SYNE2: variants seen among roughly 807,000 people sequenced by gnomAD.
The protein encoded by SYNE2 is spectrin repeat containing nuclear envelope protein 2.
SYNE2 carries 431 observed loss-of-function variants against 856.3 expected under a neutral mutation model. The ratio of observed to expected loss-of-function variants is 0.50; its 90% CI spans 0.47 to 0.55. The LOEUF (loss-of-function observed/expected upper bound fraction) is 0.55, where lower values mean the gene tolerates loss of function less well. Ranked by LOEUF, SYNE2 falls within the 20% of genes least tolerant of loss-of-function variation. The pLI is 0.00. For synonymous variants in SYNE2, 2,923 were observed against 2,872.3 expected, an observed-to-expected ratio of 1.02 and a Z score of -0.56; for missense variants, 8,129 against 8,023.2, an observed-to-expected ratio of 1.01 and a Z score of -0.50.
rs1489040189 is a variant in SYNE2, at chr14:64,208,754, A to G, written c.18202-4A>G. The G allele has an allele frequency of 6.2e-7, 1 of 1,614,076 alleles. No homozygotes were observed. The highest frequency in any genetic ancestry group is 8.5e-7 in the Non-Finnish European group (1 of 1,180,040). On this transcript the variant is annotated splice_region_variant and splice_polypyrimidine_tract_variant and intron_variant, in intron 100 of 115. Coordinates refer to ENST00000555002, the MANE Select transcript of SYNE2 (RefSeq NM_182914.3). ...AGAGGTTTCTTACTCTGTTGTAATC[A>G]CAGGATCTACAGCGAGATATTGAAC...
At chr14:63,855,635 T>C (rs1216368997) in intron 1 of SYNE2, among the ~76,000 whole-genome samples, 1 of 152,198 alleles carries the variant, frequency 6.6e-6, no homozygotes, top group Admixed American at 6.5e-5. Context: ...TTCACTAACC[T>C]CCAAATTTAA....
intron 30 of SYNE2, among the ~76,000 whole-genome samples, chr14:64,005,414 T>C (rs938787962): frequency 2.0e-5 from 3 of 152,176 alleles, no homozygotes; most frequent in Non-Finnish European, 2.9e-5. Flanking sequence ...AGATGATTTA[T>C]TGACACATGG....
chr14:63,973,241 G>A (rs1397386815), intron 11 of SYNE2, among the ~76,000 whole-genome samples: 1 of 152,052 alleles, frequency 6.6e-6, no homozygotes, highest in African/African-American at 2.4e-5. Context: ...GTGAGACTCC[G>A]TCTCAAAACA....
intron 70 of SYNE2, 63 bp from the exon 71 acceptor site, chr14:64,125,016 T>C (rs2097928519): frequency 1.4e-5 from 22 of 1,598,276 alleles, no homozygotes; most frequent in Non-Finnish European, 1.8e-5. Flanking sequence ...AATAAAAAAA[T>C]AAATTAATTA....
In SYNE2 at chr14:63,885,125, A is replaced by C. The variant is rs183150629; in HGVS notation, c.-51-23973A>C. Among the ~76,000 whole-genome samples the C allele has an allele frequency of 2.0e-5, 3 of 152,200 alleles. No individual in the cohort carries two copies. In the East Asian group the frequency reaches 5.8e-4, roughly 29 times the overall value. On this transcript the variant is annotated intron_variant, in intron 1 of 115. Transcript: ENST00000555002. The stretch of plus-strand genomic sequence containing the variant: ...CACCTTACTCAAAGGATGGAGATGG[A>C]GGGTCCCACATCCAGGGACTAATGA...
chr14:63,913,837 T>TTTTTTAAATTTAATATAATTTTAAA (rs2095503396), intron 2 of SYNE2, among the ~76,000 whole-genome samples: 4 of 145,722 alleles, frequency 2.7e-5, no homozygotes, highest in Admixed American at 2.7e-4. Context: ...CTGTTTAAAA[T>TTTTTTAAATTTAATATAATTTTAAA]TTTTTAAATT....
chr14:63,935,122 GT>G (rs1172459168), intron 2 of SYNE2, among the ~76,000 whole-genome samples: 2 of 151,976 alleles, frequency 1.3e-5, no homozygotes, highest in Non-Finnish European at 2.9e-5. Context: ...AGGAGATTTA[GT>G]ATAGTTTTGA....
intron 76 of SYNE2, among the ~76,000 whole-genome samples, chr14:64,130,711 C>A (rs965981481): frequency 3.3e-5 from 5 of 151,854 alleles, no homozygotes; most frequent in African/African-American, 1.2e-4. Flanking sequence ...ATGGTGAAAC[C>A]CTGTCTCTAC....
intron 45 of SYNE2, among the ~76,000 whole-genome samples, chr14:64,032,153 A>G (rs1336091156): frequency 6.6e-6 from 1 of 152,250 alleles, no homozygotes; most frequent in Non-Finnish European, 1.5e-5. Context: ...TAGAATAGAA[A>G]TGCATGGAAG....
chr14:63,774,479 A>G (rs1566558370), intron 1 of SYNE2, among the ~76,000 whole-genome samples: 1 of 151,474 alleles, frequency 6.6e-6, no homozygotes, highest in African/African-American at 2.4e-5. Context: ...AAAAAAAAAA[A>G]AAAAAAAGAA....
chr14:64,022,275 T>C (rs554748500), intron 37 of SYNE2, among the ~76,000 whole-genome samples: 132 of 152,324 alleles, frequency 8.7e-4, no homozygotes, highest in South Asian at 2.9e-3. Flanking sequence ...GTCCTAGTGT[T>C]TGACCTGCTC....
At chr14:64,028,057 A>G (rs2096995516) in intron 43 of SYNE2, among the ~76,000 whole-genome samples, 1 of 151,840 alleles carries the variant, frequency 6.6e-6, no homozygotes, top group Non-Finnish European at 1.5e-5. Context: ...GGCATGTGCC[A>G]CTACACCTGG....
chr14:63,787,148 A>G (rs935622468), intron 1 of SYNE2, among the ~76,000 whole-genome samples: 5 of 152,134 alleles, frequency 3.3e-5, no homozygotes, highest in African/African-American at 1.2e-4. Flanking sequence ...GGTAATTGGG[A>G]TATCGACAAT....
At chr14:64,200,123 T>C (rs1275219617) in intron 99 of SYNE2, among the ~76,000 whole-genome samples, 1 of 152,210 alleles carries the variant, frequency 6.6e-6, no homozygotes, top group Admixed American at 6.5e-5. Context: ...TCCGGTGTGT[T>C]AATTGCTTTA....
intron 45 of SYNE2, among the ~76,000 whole-genome samples, chr14:64,044,186 T>C (rs577993471): frequency 1.6e-4 from 25 of 152,320 alleles, no homozygotes; most frequent in African/African-American, 5.3e-4. Flanking sequence ...CGTGGGAACC[T>C]ACCCCTTGCA....
intron 98 of SYNE2, among the ~76,000 whole-genome samples, chr14:64,189,357 TTGTTAAAGGGG>T (rs1276456386): frequency 6.6e-6 from 1 of 151,056 alleles, no homozygotes; most frequent in Non-Finnish European, 1.5e-5. Flanking sequence ...GAAGCTCCCC[TTGTTAAAGGGG>T]AGAGGCCAAC....
At chr14:64,191,316 G>A (rs763952767) in intron 99 of SYNE2, among the ~76,000 whole-genome samples, 1 of 152,144 alleles carries the variant, frequency 6.6e-6, no homozygotes, top group Non-Finnish European at 1.5e-5. Flanking sequence ...CAGGCAGGAA[G>A]TAAGTTGAGT....
intron 11 of SYNE2, among the ~76,000 whole-genome samples, chr14:63,974,892 G>GTATCTATATATATATATATATATATA (rs2096527541): frequency 7.4e-5 from 5 of 67,322 alleles, no homozygotes; most frequent in African/African-American, 1.3e-4. Context: ...GTGTGTGTGT[G>GTATCTATATATATATATATATATATA]TATATATATA....
chr14:64,174,800 G>C, intron 94 of SYNE2, 144 bp from the exon 95 acceptor site: 1 of 688,936 alleles, frequency 1.5e-6, no homozygotes, highest in Non-Finnish European at 2.5e-6. Flanking sequence ...ATGTGTGTGT[G>C]TATGTACATT....
Sources: gnomAD v4.1 joint callset for allele counts (sites outside exome capture counted in the v4.1 genomes callset) on GRCh38, gnomAD v4.1.1 for gene constraint, MANE v1.5 for transcripts, NCBI Gene and HGNC (gene_info 2026-07-23, HGNC 2026-07-21) for gene names.